The following TOM1L2 variants were observed in gnomAD, a reference collection of about 807,000 sequenced individuals.
TOM1L2 encodes TOM1-like protein 2.
A neutral mutation model predicts 67.9 loss-of-function variants in TOM1L2; 31 were observed. The ratio of observed to expected loss-of-function variants is 0.46; its 90% confidence interval spans 0.34 to 0.62. The LOEUF is 0.62. Among genes scored for constraint, TOM1L2 ranks in the 20% least tolerant of loss-of-function variants. The probability of loss-of-function intolerance (pLI) is 0.01; values close to 1 mark genes in which losing one functional copy is unlikely to be tolerated. For missense variants in TOM1L2, 606 were observed against 663.5 expected (o/e 0.91, Z 0.95); for synonymous variants, 256 against 254.0 (o/e 1.01, Z -0.07).
intron 1 of TOM1L2, among the ~76,000 whole-genome samples, chr17:17,971,881 G>A (rs1364998299): frequency 6.6e-6 from 1 of 151,870 alleles, no homozygotes; most frequent in African/African-American, 2.4e-5. Context: ...ACCAGTGCCC[G>A]GGAGGAGGCC....
At chr17:17,873,703 T>C (rs1001560685) in intron 7 of TOM1L2, among the ~76,000 whole-genome samples, 1 of 152,216 alleles carries the variant, frequency 6.6e-6, no homozygotes, top group African/African-American at 2.4e-5. Context: ...AGGCAGCAAG[T>C]AGCCTGTGAC....
chr17:17,896,067 A>AT (rs1188082411), intron 3 of TOM1L2, among the ~76,000 whole-genome samples: 3 of 151,956 alleles, frequency 2.0e-5, no homozygotes, highest in Admixed American at 1.3e-4. Context: ...CCAAGGAGGC[A>AT]TTTTCCTTTC....
rs553630879 is a variant in TOM1L2, at chr17:17,957,052, C to T, written c.52+15210G>A. The stretch of plus-strand genomic sequence containing the variant: ...AGAGTACAGTGGCACAATCATAGCT[C>T]GCTGCAGTCTCCACCTCCTGGGCTC... On this transcript the variant is annotated intron_variant, in intron 1 of 14. Coordinates refer to ENST00000379504, the MANE Select transcript of TOM1L2 (RefSeq NM_001082968.2). Among the ~76,000 whole-genome samples, 20 of 152,370 alleles carry T rather than the reference C, an allele frequency of 1.3e-4. No individual in the cohort carries two copies. The South Asian group carries it at 2.9e-3, about 22-fold the overall frequency.
In TOM1L2 at chr17:17,882,577, G is replaced by A. The variant is rs967252588; in HGVS notation, c.660+128C>T. 1.5e-5 allele frequency: 19 copies of A among 1,277,020 alleles called. No individual in the cohort carries two copies. In the African/African-American group the frequency reaches 2.5e-4, roughly 17 times the overall value. The allele number at this position is 1,277,020 out of a possible 1,614,324, so 79.1% of individuals were successfully genotyped here. ...AGCATCTCTCTCCCCTGGGGATTGA[G>A]CCCTTCCATCTCTGTGTCCCTAACA... On this transcript the variant is annotated intron_variant, in intron 6 of 14. Transcript: ENST00000379504.
chr17:17,866,453 A>G (rs2036855487), intron 9 of TOM1L2, 34 bp from the exon 10 acceptor site: 1 of 1,550,478 alleles, frequency 6.4e-7, no homozygotes, highest in Non-Finnish European at 8.7e-7. Context: ...TAAGCCCCAG[A>G]ACCCTGGAGT....
intron 10 of TOM1L2, among the ~76,000 whole-genome samples, chr17:17,864,373 G>A (rs1350306782): frequency 6.6e-6 from 1 of 151,388 alleles, no homozygotes; most frequent in Non-Finnish European, 1.5e-5. Context: ...ACCACGCCTG[G>A]CTAATTTTTT....
At chr17:17,856,705 C>G (rs2036269635) in intron 12 of TOM1L2, among the ~76,000 whole-genome samples, 1 of 152,254 alleles carries the variant, frequency 6.6e-6, no homozygotes, top group Admixed American at 6.5e-5. Context: ...GCATTCTCTC[C>G]AGCTCAGGCT....
chr17:17,955,672 G>C (rs966154107), intron 1 of TOM1L2, among the ~76,000 whole-genome samples: 1 of 152,114 alleles, frequency 6.6e-6, no homozygotes, highest in African/African-American at 2.4e-5. Flanking sequence ...ATGGAGTCTT[G>C]CTCTGCCACC....
chr17:17,856,052 T>G (rs1362810930), intron 12 of TOM1L2, among the ~76,000 whole-genome samples: 4 of 151,896 alleles, frequency 2.6e-5, no homozygotes, highest in African/African-American at 4.8e-5. Flanking sequence ...AGACTGGAGC[T>G]CTACGTGGGA....
chr17:17,936,976 C>T (rs945915961), intron 1 of TOM1L2, among the ~76,000 whole-genome samples: 3 of 152,184 alleles, frequency 2.0e-5, no homozygotes, highest in African/African-American at 7.2e-5. Flanking sequence ...ACCATGAGGG[C>T]TCAGAGTTGA....
At chr17:17,929,578 C>A (rs1266096037) in intron 1 of TOM1L2, among the ~76,000 whole-genome samples, 1 of 152,038 alleles carries the variant, frequency 6.6e-6, no homozygotes, top group African/African-American at 2.4e-5. Context: ...TTGTGGTGAG[C>A]CGAGATCGCA....
Position 17,843,802 on chromosome 17 carries a change from G to A in TOM1L2, c.*3833C>T, listed in dbSNP as rs139143017. 3.3e-5 allele frequency: 5 copies of A among 152,534 alleles called. No homozygotes were observed. The highest frequency in any genetic ancestry group is 2.1e-4 in the South Asian group (1 of 4,820). The allele number at this position is 152,534 out of a possible 1,614,324, so 9.4% of individuals were successfully genotyped here. A position where few individuals can be genotyped will look rare whatever the true frequency, so the allele number is the denominator to read the frequency against. ...TGCAAACTTTAGGAAATAAATATCC[G>A]TCCCCCTCTCCGGGAGAGCCTGGAG... On this transcript the variant is annotated 3_prime_UTR_variant, in exon 15 of 15. Coordinates refer to ENST00000379504, the MANE Select transcript of TOM1L2 (RefSeq NM_001082968.2).
chr17:17,882,736 A>G lies in TOM1L2; in HGVS notation c.629T>C (p.Val210Ala), dbSNP rs748681398. 1.1e-5 allele frequency: 18 copies of G among 1,614,068 alleles called. No homozygotes were observed. The highest frequency in any genetic ancestry group is 1.5e-5 in the Non-Finnish European group (18 of 1,180,032). ...YSAPQAPALSVTGPITANSEQ... is the reference protein window; with the variant it reads ...YSAPQAPALSATGPITANSEQ... ...TGAATTGGCTGTGATGGGGCCAGTC[A>G]CACTCAGAGCTGGGGCCTGCGGTGC... Residue 210 changes from valine (V) to alanine (A), a missense_variant, in exon 6 of 15, where the codon GTG becomes GCG. Transcript: ENST00000379504.
At chr17:17,892,618 C>T (rs981212412) in intron 4 of TOM1L2, among the ~76,000 whole-genome samples, 3 of 151,698 alleles carry the variant, frequency 2.0e-5, no homozygotes, top group African/African-American at 7.3e-5. Flanking sequence ...TGCTCCCCCA[C>T]CCCAAGCCCT....
chr17:17,894,679 C>T (rs1235535399), intron 3 of TOM1L2, among the ~76,000 whole-genome samples: 1 of 152,218 alleles, frequency 6.6e-6, no homozygotes, highest in African/African-American at 2.4e-5. Flanking sequence ...GCCTGTAATC[C>T]CAGCACTTTG....
chr17:17,938,766 GTTTTT>G (rs372811565), intron 1 of TOM1L2, among the ~76,000 whole-genome samples: 1 of 144,970 alleles, frequency 6.9e-6, no homozygotes. Flanking sequence ...GGTTGAAAGG[GTTTTT>G]TTTTTTTTTT....
chr17:17,912,606 C>T (rs560299687), intron 1 of TOM1L2, among the ~76,000 whole-genome samples: 16 of 151,278 alleles, frequency 1.1e-4, no homozygotes, highest in African/African-American at 3.4e-4. Context: ...GGCAGAGACG[C>T]TCTTCACTTC....
chr17:17,874,614 T>G (rs1318322977), intron 7 of TOM1L2, among the ~76,000 whole-genome samples: 5 of 152,224 alleles, frequency 3.3e-5, no homozygotes, highest in African/African-American at 4.8e-5. Flanking sequence ...AGATGATTTC[T>G]GAGGCTCTAA....
At chr17:17,950,288 C>T (rs186507727) in intron 1 of TOM1L2, among the ~76,000 whole-genome samples, 2 of 152,256 alleles carry the variant, frequency 1.3e-5, no homozygotes, top group East Asian at 3.9e-4. Context: ...TTCCGAGTAG[C>T]TGGGATTACT....
Sources: gnomAD v4.1 joint callset for allele counts (sites outside exome capture counted in the v4.1 genomes callset) on GRCh38, gnomAD v4.1.1 for gene constraint, MANE v1.5 for transcripts, NCBI Gene and HGNC (gene_info 2026-07-23, HGNC 2026-07-21) for gene names.